ABL1: variants seen among roughly 807,000 people sequenced by gnomAD.
ABL1 encodes ABL proto-oncogene 1, non-receptor tyrosine kinase, also known as tyrosine-protein kinase ABL1.
In ABL1, 11 loss-of-function variants were observed where a neutral mutation model predicts 94.7. The ratio of observed to expected loss-of-function variants is 0.12; its 90% CI spans 0.07 to 0.19. The LOEUF (loss-of-function observed/expected upper bound fraction) is 0.19. Among genes scored for constraint, ABL1 ranks in the 10% least tolerant of loss-of-function variants. ABL1 has a pLI of 1.00. For missense variants in ABL1, 1,082 were observed against 1,489.4 expected, an observed-to-expected ratio of 0.73 and a Z score of 4.50; for synonymous variants, 656 against 622.4, an observed-to-expected ratio of 1.05 and a Z score of -0.80.
chr9:130,859,677 C>CTTTTTTT lies in ABL1; in HGVS notation c.550-3063_550-3057dup, dbSNP rs869234280. 3.6e-3 allele frequency among the ~76,000 whole-genome samples: 281 copies of CTTTTTTT among 78,430 alleles called. 34 individuals carry two copies. The highest frequency in any genetic ancestry group is 7.4e-3 in the African/African-American group (110 of 14,872). 51.5% of individuals were successfully genotyped at this position (78,430 alleles called of 152,430 possible). A position where few individuals can be genotyped will look rare whatever the true frequency, so the allele number is the denominator to read the frequency against. ...AAACGCTGTTTCTTTTCTTTCTTTCCTTTTTTTTTTTTTTTTTTTTTTTTT... is the reference window on the plus strand; with the variant it reads ...AAACGCTGTTTCTTTTCTTTCTTTCCTTTTTTTTTTTTTTTTTTTTTTTTTTTTTTTT... On this transcript the variant is annotated intron_variant, in intron 3 of 10. Transcript: ENST00000318560.
At position 130,885,221 on chromosome 9, in the gene ABL1, C is replaced by T; in HGVS notation, c.2931C>T (p.Ser977=). 6.2e-7 allele frequency: 1 copy of T among 1,613,772 alleles called. No individual in the cohort carries two copies. The highest frequency in any genetic ancestry group is 8.5e-7 in the Non-Finnish European group (1 of 1,180,024). ...QSAKPSGTPI[S]PAPVPSTLPS... is the part of the protein sequence containing the mutation. The stretch of plus-strand genomic sequence containing the variant: ...CCAAGCCGTCGGGGACCCCCATCAG[C>T]CCAGCCCCCGTTCCCTCCACGTTGC... The change falls in exon 11 of 11, where the codon AGC becomes AGT. Residue 977 remains serine, a synonymous_variant. Transcript: ENST00000318560.
chr9:130,777,359 A>C (rs1014732506), intron 1 of ABL1, among the ~76,000 whole-genome samples: 1 of 152,236 alleles, frequency 6.6e-6, no homozygotes, highest in Non-Finnish European at 1.5e-5. Flanking sequence ...AGAGGAATCA[A>C]GGAACCTCTC....
At chr9:130,734,068 C>T (rs1358150566) in intron 1 of ABL1, among the ~76,000 whole-genome samples, 2 of 152,082 alleles carry the variant, frequency 1.3e-5, no homozygotes, top group South Asian at 2.1e-4. Context: ...GAGTGTTTTT[C>T]AATTGGAAAC....
At chr9:130,859,968 T>C (rs756863913) in intron 3 of ABL1, among the ~76,000 whole-genome samples, 26 of 152,254 alleles carry the variant, frequency 1.7e-4, no homozygotes, top group East Asian at 5.8e-4. Flanking sequence ...CGTGAGCCAC[T>C]GCTCCTGGCA....
At chr9:130,758,684 C>T (rs183418979) in intron 1 of ABL1, among the ~76,000 whole-genome samples, 5 of 151,604 alleles carry the variant, frequency 3.3e-5, no homozygotes, top group South Asian at 2.1e-4. Flanking sequence ...CCATCCACCT[C>T]GGCCTCCCAA....
At chr9:130,728,369 G>GTT (rs55957334) in intron 1 of ABL1, among the ~76,000 whole-genome samples, 4 of 135,802 alleles carry the variant, frequency 2.9e-5, no homozygotes, top group Non-Finnish European at 4.7e-5. Flanking sequence ...TACCTGGCTG[G>GTT]TTTTTTTTTT....
upstream of ABL1, chr9:130,834,110 G>C: frequency 2.2e-6 from 1 of 455,784 alleles, no homozygotes; most frequent in South Asian, 1.5e-5. Context: ...CATCTGTGGG[G>C]TTTGTTTGTT....
intron 1 of ABL1, among the ~76,000 whole-genome samples, chr9:130,744,869 A>C (rs191709038): frequency 0.013 from 1,986 of 151,580 alleles, 57 homozygotes; most frequent in African/African-American, 0.046. Flanking sequence ...AAAAAAAAAA[A>C]AAAACAAAAC....
Position 130,727,011 on chromosome 9 carries a change from C to G in ABL1, c.136+12556C>G, listed in dbSNP as rs4740201. Among the ~76,000 whole-genome samples, 574 of 152,124 alleles carry G rather than the reference C, an allele frequency of 3.8e-3. 2 individuals carry two copies. The highest frequency in any genetic ancestry group is 0.013 in the African/African-American group (542 of 41,480). On this transcript the variant is annotated intron_variant, in intron 1 of 10. Transcript: ENST00000372348. Reference sequence around the variant, plus strand: ...GTTTCTAATTTAATTTCATTGTGGTCAGAGAACATCTTCTGTAGAATTTCA... The same window carrying G: ...GTTTCTAATTTAATTTCATTGTGGTGAGAGAACATCTTCTGTAGAATTTCA...
Position 130,863,177 on chromosome 9 carries a change from A to T in ABL1, c.822+142A>T, listed in dbSNP as rs1437681679. On this transcript the variant is annotated intron_variant, in intron 4 of 10. Transcript: ENST00000318560. This position sits in a 1 kb window ranked among gnomAD's most constrained non-coding sequence, Gnocchi z 4.3. ...GCCACGGAATTGACTTTTCCGTCTTATATCATTCCTGTGTCTTTGTAGGAG... is the reference window on the plus strand; with the variant it reads ...GCCACGGAATTGACTTTTCCGTCTTTTATCATTCCTGTGTCTTTGTAGGAG... The T allele has an allele frequency of 3.1e-6, 3 of 964,216 alleles. No individual in the cohort carries two copies. In the African/African-American group the frequency reaches 5.0e-5, roughly 16 times the overall value. The allele number at this position is 964,216 out of a possible 1,614,324, so 59.7% of individuals were successfully genotyped here.
chr9:130,713,170 G>T (rs1279675373), exon 1 of ABL1, among the ~76,000 whole-genome samples: 1 of 152,184 alleles, frequency 6.6e-6, no homozygotes, highest in African/African-American at 2.4e-5. Context: ...GGGGGCGGCT[G>T]GGTCCCTCGG....
Position 130,835,848 on chromosome 9 carries a change from A to T in ABL1, c.79+323A>T, listed in dbSNP as rs543024169. On this transcript the variant is annotated intron_variant, in intron 1 of 10. Transcript: ENST00000318560. The surrounding 1 kb of genome is among the most constrained non-coding windows in gnomAD (Gnocchi z 4.6). ...CCCCGGCACCAGCCCCGGTAGAGCC[A>T]CGCCGGATGGTGACGGCGGCGTCCG... is the stretch of plus-strand genomic sequence containing the variant. Among the ~76,000 whole-genome samples, 19 of 152,268 alleles carry T rather than the reference A, an allele frequency of 1.2e-4. No homozygotes were observed. In the East Asian group the frequency reaches 3.5e-3, roughly 28 times the overall value.
chr9:130,843,967 T>C (rs1379105271), intron 1 of ABL1, among the ~76,000 whole-genome samples: 1 of 152,030 alleles, frequency 6.6e-6, no homozygotes, highest in African/African-American at 2.4e-5. Flanking sequence ...TGAGGGCCTG[T>C]GCATGCCTAG....
chr9:130,770,223 A>C (rs953511909), intron 1 of ABL1, among the ~76,000 whole-genome samples: 2 of 151,976 alleles, frequency 1.3e-5, no homozygotes, highest in African/African-American at 4.8e-5. Flanking sequence ...TAAGATTTAT[A>C]AGACTGGGTA....
intron 1 of ABL1, among the ~76,000 whole-genome samples, chr9:130,851,859 G>A (rs1379088946): frequency 2.7e-5 from 4 of 147,506 alleles, no homozygotes; most frequent in East Asian, 4.1e-4. Flanking sequence ...CTCACCTCCC[G>A]GGTTCAGGCA....
chr9:130,747,534 C>G lies in ABL1; in HGVS notation c.136+33079C>G, dbSNP rs1364163416. 2.0e-5 allele frequency among the ~76,000 whole-genome samples: 3 copies of G among 152,290 alleles called. No homozygotes were observed. The East Asian group carries it at 5.8e-4, about 29-fold the overall frequency. On this transcript the variant is annotated intron_variant, in intron 1 of 10. Transcript: ENST00000372348. Reference sequence around the variant, plus strand: ...GTTCAAGTGATTCTCCTGCCTCAGTCTCCCAAGTAGCTGAGATTACAAGCA... The same window carrying G: ...GTTCAAGTGATTCTCCTGCCTCAGTGTCCCAAGTAGCTGAGATTACAAGCA...
intron 1 of ABL1, among the ~76,000 whole-genome samples, chr9:130,787,344 C>CTGTGTGTGTGTTTG (rs1554763989): frequency 6.6e-6 from 1 of 152,126 alleles, no homozygotes; most frequent in East Asian, 1.9e-4. Context: ...ACTCTGCCTT[C>CTGTGTGTGTGTTTG]TGTGTGTGTG....
At chr9:130,819,438 T>C (rs994402746) in intron 1 of ABL1, among the ~76,000 whole-genome samples, 3 of 152,258 alleles carry the variant, frequency 2.0e-5, no homozygotes, top group East Asian at 3.9e-4. Context: ...CTAATGTTCG[T>C]TGAATGAAAG....
intron 1 of ABL1, chr9:130,724,697 G>A (rs1831556509): frequency 2.8e-6 from 1 of 360,686 alleles, no homozygotes; most frequent in Non-Finnish European, 5.6e-6. Context: ...CAGCTACCTG[G>A]GATTGTGCCA....
Sources: gnomAD v4.1 joint callset for allele counts (sites outside exome capture counted in the v4.1 genomes callset) on GRCh38, gnomAD v4.1.1 for gene constraint, Gnocchi (gnomAD v3.1) non-coding constraint, MANE v1.5 for transcripts, NCBI Gene and HGNC (gene_info 2026-07-23, HGNC 2026-07-21) for gene names.